VRK2: variants seen among roughly 807,000 people sequenced by gnomAD.
VRK2 encodes serine/threonine-protein kinase VRK2.
In VRK2, 60 loss-of-function variants were observed where a neutral mutation model predicts 57.6. The observed-to-expected ratio is 1.04, with a 90% CI of 0.85 to 1.29. The LOEUF is 1.29. VRK2 is among the 50% of genes most tolerant of loss of function. VRK2 has a pLI of 0.00. For synonymous variants in VRK2, 231 were observed against 199.2 expected, an observed-to-expected ratio of 1.16 and a Z score of -1.35; for missense variants, 705 against 588.1, an observed-to-expected ratio of 1.20 and a Z score of -2.06.
At chr2:58,089,916 CAG>C (rs756416812) in intron 7 of VRK2, among the ~76,000 whole-genome samples, 193 bp downstream of exon 7, 3 of 152,154 alleles carry the variant, frequency 2.0e-5, no homozygotes, top group South Asian at 2.1e-4. Flanking sequence ...AACTGAGAGT[CAG>C]AGGGGTTAAA....
chr2:57,909,514 C>T (rs1437441180), intron 1 of VRK2, among the ~76,000 whole-genome samples: 1 of 151,664 alleles, frequency 6.6e-6, no homozygotes, highest in East Asian at 1.9e-4. Context: ...AACATATAAA[C>T]TGATATAGTA....
chr2:58,048,224 A>G (rs768100488), intron 1 of VRK2, among the ~76,000 whole-genome samples: 26 of 152,368 alleles, frequency 1.7e-4, no homozygotes, highest in Middle Eastern at 3.4e-3. Flanking sequence ...AAAGAGGGTA[A>G]GAAGACAAAA....
intron 1 of VRK2, among the ~76,000 whole-genome samples, chr2:57,915,423 G>T (rs1159841483): frequency 2.0e-5 from 3 of 152,088 alleles, no homozygotes; most frequent in African/African-American, 7.2e-5. Flanking sequence ...TTATCAGCAT[G>T]TTCTACCATC....
intron 5 of VRK2, 34 bp from the exon 6 acceptor site, chr2:58,088,307 A>G (rs1408693358): frequency 6.9e-7 from 1 of 1,446,842 alleles, no homozygotes; most frequent in South Asian, 1.2e-5. Context: ...TTACTTTCTC[A>G]GGATGATCTC....
chr2:58,005,591 C>T lies in VRK2; in HGVS notation c.-438-20074C>T, dbSNP rs113339305. Among the ~76,000 whole-genome samples, 7 of 151,804 alleles carry T rather than the reference C, an allele frequency of 4.6e-5. 1 individual carries two copies. Among genetic ancestry groups the T allele is most frequent in the African/African-American group, 1.7e-4 (7 of 41,386 alleles). On this transcript the variant is annotated intron_variant, in intron 1 of 15. Coordinates refer to the VRK2 transcript ENST00000417641. ...ATGCAAAACAAATCTGTTGAAATGA[C>T]ATAAAAATGCAAGAAGAAGAAAAAT...
intron 8 of VRK2, among the ~76,000 whole-genome samples, chr2:58,123,871 G>T (rs528492620): frequency 6.6e-6 from 1 of 151,524 alleles, no homozygotes; most frequent in East Asian, 1.9e-4. Context: ...AAAAAAAGTT[G>T]CACATACGAA....
intron 9 of VRK2, among the ~76,000 whole-genome samples, chr2:58,132,268 G>A (rs1187074804): frequency 2.0e-5 from 3 of 152,162 alleles, no homozygotes; most frequent in Non-Finnish European, 4.4e-5. Context: ...AGTAGTCTGA[G>A]CTTGGTACGA....
chr2:58,119,532 AT>A (rs1677101501), intron 7 of VRK2, among the ~76,000 whole-genome samples: 1 of 149,554 alleles, frequency 6.7e-6, no homozygotes, highest in Admixed American at 6.7e-5. Context: ...TTGGAATATT[AT>A]TTTCTGAGCC....
intron 3 of VRK2, among the ~76,000 whole-genome samples, 159 bp downstream of exon 3, chr2:58,084,297 C>G (rs1573006399): frequency 6.6e-6 from 1 of 151,692 alleles, no homozygotes; most frequent in Non-Finnish European, 1.5e-5. Context: ...ACTGGAGAAC[C>G]TTTGTTTTTC....
chr2:58,015,134 A>T (rs1057058640), intron 1 of VRK2, among the ~76,000 whole-genome samples: 1 of 152,148 alleles, frequency 6.6e-6, no homozygotes, highest in African/African-American at 2.4e-5. Context: ...TATTTAGCTT[A>T]TATTTCTCTG....
chr2:57,994,152 A>G (rs1441191589), intron 1 of VRK2, among the ~76,000 whole-genome samples: 1 of 152,214 alleles, frequency 6.6e-6, no homozygotes, highest in Non-Finnish European at 1.5e-5. Context: ...TTTCTTAAAG[A>G]AAACTTTATG....
intron 1 of VRK2, chr2:58,048,390 C>G (rs1324637453): frequency 2.6e-6 from 1 of 387,078 alleles, no homozygotes; most frequent in African/African-American, 2.1e-5. Flanking sequence ...CTTCCCAATC[C>G]AATCCTGTGT....
intron 3 of VRK2, among the ~76,000 whole-genome samples, chr2:58,040,523 G>C (rs993769486): frequency 6.6e-6 from 1 of 152,198 alleles, no homozygotes; most frequent in Non-Finnish European, 1.5e-5. Context: ...CCCTGTAGTG[G>C]AAGTAGTAAA....
chr2:57,992,597 C>T (rs1053258660), intron 1 of VRK2, among the ~76,000 whole-genome samples: 2 of 151,962 alleles, frequency 1.3e-5, no homozygotes, highest in Non-Finnish European at 2.9e-5. Context: ...ACTGCAGTGG[C>T]GCAATCTCAG....
chr2:58,057,725 G>A (rs150379524), intron 2 of VRK2, among the ~76,000 whole-genome samples: 80 of 152,222 alleles, frequency 5.3e-4, no homozygotes, highest in African/African-American at 1.9e-3. Flanking sequence ...TCTGTGAAAG[G>A]TTTGATTAAG....
chr2:57,996,695 A>T (rs933267008), intron 1 of VRK2, among the ~76,000 whole-genome samples: 1 of 152,150 alleles, frequency 6.6e-6, no homozygotes, highest in Admixed American at 6.5e-5. Context: ...AAAGATTGTT[A>T]TTATTATACT....
chr2:58,084,918 A>T lies in VRK2; in HGVS notation c.224A>T (p.Lys75Ile), dbSNP rs529796004. Residue 75 changes from lysine (K) to isoleucine (I), a missense_variant, in exon 4 of 13, where the codon AAA (lysine) becomes ATA (isoleucine). Coordinates refer to ENST00000340157, the MANE Select transcript of VRK2 (RefSeq NM_006296.7). Reference protein sequence around the residue: ...QENGPLFSELKFYQRVAKKDC... With the variant: ...QENGPLFSELIFYQRVAKKDC... Reference sequence around the variant, plus strand: ...AATGGCCCGTTATTTTCAGAACTTAAATTTTATCAGAGAGTTGCAAAAAAA... The same window carrying T: ...AATGGCCCGTTATTTTCAGAACTTATATTTTATCAGAGAGTTGCAAAAAAA... The T allele has an allele frequency of 6.3e-7, 1 of 1,591,230 alleles. No homozygotes were observed. Among genetic ancestry groups the T allele is most frequent in the Non-Finnish European group, 8.6e-7 (1 of 1,169,556 alleles).
At chr2:57,980,137 T>C (rs971786811) in intron 1 of VRK2, among the ~76,000 whole-genome samples, 3 of 152,148 alleles carry the variant, frequency 2.0e-5, no homozygotes, top group African/African-American at 7.2e-5. Context: ...GATCATTAAT[T>C]TGAGACCTTT....
intron 12 of VRK2, among the ~76,000 whole-genome samples, chr2:58,156,576 G>GTTTTTT (rs1683886796): frequency 7.0e-6 from 1 of 142,126 alleles, no homozygotes; most frequent in African/African-American, 3.1e-5. Context: ...GTTGGGTGGT[G>GTTTTTT]GTGTTTTTTT....
Sources: gnomAD v4.1 joint callset for allele counts (sites outside exome capture counted in the v4.1 genomes callset) on GRCh38, gnomAD v4.1.1 for gene constraint, MANE v1.5 for transcripts, NCBI Gene and HGNC (gene_info 2026-07-23, HGNC 2026-07-21) for gene names.